Variants in DYNLT5 observed in about 807,000 individuals in gnomAD.
DYNLT5 encodes dynein light chain Tctex-type family member 5.
A neutral mutation model predicts 19.3 loss-of-function variants in DYNLT5; 25 were observed. That is an observed-to-expected ratio of 1.30 (90% confidence interval 0.95 to 1.81). The LOEUF (loss-of-function observed/expected upper bound fraction) is 1.81. DYNLT5 is among the 40% of genes most tolerant of loss of function. The pLI is 0.00. For synonymous variants in DYNLT5, 82 were observed against 68.9 expected (o/e 1.19, Z -0.94); for missense variants, 232 against 217.9 (o/e 1.06, Z -0.41).
At chr1:66,764,314 G>T (rs977084977) in intron 2 of DYNLT5, among the ~76,000 whole-genome samples, 1 of 152,144 alleles carries the variant, frequency 6.6e-6, no homozygotes, top group Non-Finnish European at 1.5e-5. Flanking sequence ...CACCACACTT[G>T]GTTATTTCTA....
rs1013717651 is a variant in DYNLT5 at position 66,752,532 on chromosome 1, T to G, written c.-56T>G. The G allele has an allele frequency of 1.5e-5, 15 of 985,444 alleles. No individual in the cohort carries two copies. The South Asian group carries it at 5.6e-4, about 37-fold the overall frequency. 61.0% of individuals were successfully genotyped at this position (985,444 alleles called of 1,614,324 possible). A position where few individuals can be genotyped will look rare whatever the true frequency, so the allele number is the denominator to read the frequency against. On this transcript the variant is annotated 5_prime_UTR_variant, in exon 1 of 5. Coordinates refer to ENST00000282670, the MANE Select transcript of DYNLT5 (RefSeq NM_152665.3). ...GACGCGGGAGCCGCGCCGCGCGCAG[T>G]GTCTGCAGTGCCGGAGGTCTGGGAG...
At chr1:66,764,165 G>A (rs1302309512) in intron 2 of DYNLT5, among the ~76,000 whole-genome samples, 2 of 152,002 alleles carry the variant, frequency 1.3e-5, no homozygotes, top group African/African-American at 4.8e-5. Context: ...TCCAACCTGG[G>A]TGACAAAGCG....
intron 3 of DYNLT5, among the ~76,000 whole-genome samples, chr1:66,773,999 C>A (rs1395242931): frequency 1.3e-5 from 2 of 152,058 alleles, no homozygotes; most frequent in African/African-American, 2.4e-5. Flanking sequence ...ACTTCATTAC[C>A]ATATTTCAAA....
chr1:66,762,178 T>C (rs1476457775), intron 2 of DYNLT5, among the ~76,000 whole-genome samples: 1 of 152,234 alleles, frequency 6.6e-6, no homozygotes, highest in Non-Finnish European at 1.5e-5. Flanking sequence ...ATGTTTTTTA[T>C]TGAAAATTTC....
intron 2 of DYNLT5, among the ~76,000 whole-genome samples, chr1:66,760,852 G>A (rs2150861488): frequency 6.6e-6 from 1 of 152,278 alleles, no homozygotes; most frequent in East Asian, 1.9e-4. Context: ...AGCTCAACAG[G>A]CTTCAGACAC....
chr1:66,761,164 T>C (rs888039146), intron 2 of DYNLT5, among the ~76,000 whole-genome samples: 1 of 152,230 alleles, frequency 6.6e-6, no homozygotes, highest in Admixed American at 6.5e-5. Flanking sequence ...TTTGGCAATA[T>C]TGCAGGTTTA....
chr1:66,760,870 G>C (rs774547841), intron 2 of DYNLT5, among the ~76,000 whole-genome samples: 1 of 152,142 alleles, frequency 6.6e-6, no homozygotes, highest in Non-Finnish European at 1.5e-5. Context: ...CACTAACTCT[G>C]ATCTTCTATC....
intron 2 of DYNLT5, among the ~76,000 whole-genome samples, chr1:66,762,233 T>C (rs1198006922): frequency 6.6e-6 from 1 of 152,242 alleles, no homozygotes; most frequent in Non-Finnish European, 1.5e-5. Flanking sequence ...TCCATAAATA[T>C]AATGTATAGT....
rs947609702 is a variant in DYNLT5, at chr1:66,752,476, C to CGCGG, written c.-107_-104dup. 1 of 985,388 alleles carries CGCGG rather than the reference C, an allele frequency of 1.0e-6. No homozygotes were observed. Among genetic ancestry groups the CGCGG allele is most frequent in the Non-Finnish European group, 1.2e-6 (1 of 829,996 alleles). 61.0% of individuals were successfully genotyped at this position (985,388 alleles called of 1,614,324 possible). A position where few individuals can be genotyped will look rare whatever the true frequency, so the allele number is the denominator to read the frequency against. ...CCGGCCTCAGAGTCCAGGGAGAGTG[C>CGCGG]GCGGGCGGCCGCCGGCTGAATGAAG... On this transcript the variant is annotated 5_prime_UTR_variant, in exon 1 of 5. Transcript: ENST00000282670.
chr1:66,758,463 A>G (rs1252265743), intron 2 of DYNLT5, among the ~76,000 whole-genome samples: 1 of 152,192 alleles, frequency 6.6e-6, no homozygotes, highest in Non-Finnish European at 1.5e-5. Flanking sequence ...GGGGCTGAAC[A>G]TTCTCTCCTT....
rs1645248959 is a variant in DYNLT5, at chr1:66,778,322, A to G, written c.*868A>G. The G allele has an allele frequency of 6.5e-6, 1 of 152,796 alleles. No individual in the cohort carries two copies. The highest frequency in any genetic ancestry group is 1.9e-4 in the East Asian group (1 of 5,192). The allele number at this position is 152,796 out of a possible 1,614,324, so 9.5% of individuals were successfully genotyped here. On this transcript the variant is annotated 3_prime_UTR_variant, in exon 5 of 5. Transcript: ENST00000282670. ...CTTAACAAATAAAGCATGTGTAGTT[A>G]CCATTTTACTCCTATGAATTTAATA...
chr1:66,758,698 A>G (rs1409356110), intron 2 of DYNLT5, among the ~76,000 whole-genome samples: 1 of 152,166 alleles, frequency 6.6e-6, no homozygotes, highest in African/African-American at 2.4e-5. Context: ...AGATAAGTTC[A>G]TTTTTCAGGG....
chr1:66,765,520 T>G (rs1352556694), intron 2 of DYNLT5, among the ~76,000 whole-genome samples: 1 of 152,192 alleles, frequency 6.6e-6, no homozygotes, highest in Non-Finnish European at 1.5e-5. Flanking sequence ...TAAAAAGACA[T>G]GCCTTGTGTT....
chr1:66,768,348 C>T (rs1645179837), intron 2 of DYNLT5, among the ~76,000 whole-genome samples: 1 of 151,998 alleles, frequency 6.6e-6, no homozygotes, highest in Non-Finnish European at 1.5e-5. Flanking sequence ...TGTAATTTTA[C>T]TTTCTTCTCT....
chr1:66,757,983 A>G lies in DYNLT5; in HGVS notation c.119+3206A>G, dbSNP rs201417103. Among the ~76,000 whole-genome samples the G allele has an allele frequency of 2.6e-5, 4 of 152,314 alleles. No homozygotes were observed. In the East Asian group the frequency reaches 7.7e-4, roughly 29 times the overall value. ...GCCTGCAAATCCAAAAATATCTGCT[A>G]TTTGGCCTTTTACAGAAATGTTTGC... On this transcript the variant is annotated intron_variant, in intron 2 of 4. Transcript: ENST00000282670.
chr1:66,775,818 C>A (rs1333252338), intron 3 of DYNLT5, among the ~76,000 whole-genome samples: 1 of 152,158 alleles, frequency 6.6e-6, no homozygotes, highest in Non-Finnish European at 1.5e-5. Flanking sequence ...ACAGATGGAG[C>A]CTGTGAGGCT....
chr1:66,756,580 G>T (rs376124154), intron 2 of DYNLT5, among the ~76,000 whole-genome samples: 2 of 152,172 alleles, frequency 1.3e-5, no homozygotes, highest in East Asian at 1.9e-4. Flanking sequence ...ACATTCTGAA[G>T]TTTATTAAGG....
chr1:66,756,570 A>C (rs1467509179), intron 2 of DYNLT5, among the ~76,000 whole-genome samples: 1 of 152,238 alleles, frequency 6.6e-6, no homozygotes, highest in African/African-American at 2.4e-5. Context: ...ATAATGTAAA[A>C]CATTCTGAAG....
In DYNLT5 at chr1:66,754,155, G is replaced by C. The variant is rs114590929; in HGVS notation, c.-3-501G>C. On this transcript the variant is annotated intron_variant, in intron 1 of 4. Coordinates refer to ENST00000282670, the MANE Select transcript of DYNLT5 (RefSeq NM_152665.3). ...CTCAGGTGGCTGAGTTGGGAGGAAC[G>C]CTTGAGCCCAGGTGTTTGGGGCAGT... Among the ~76,000 whole-genome samples the C allele has an allele frequency of 7.4e-3, 1,124 of 152,034 alleles. 18 individuals carry two copies. Among genetic ancestry groups the C allele is most frequent in the African/African-American group, 0.026 (1,072 of 41,444 alleles).
Sources: allele counts gnomAD v4.1 joint callset (sites outside exome capture counted in the v4.1 genomes callset), GRCh38; gene constraint gnomAD v4.1.1; transcripts MANE v1.5; gene names NCBI Gene and HGNC (gene_info 2026-07-23, HGNC 2026-07-21).